Variants in KCNN3 observed in about 807,000 individuals in gnomAD.
KCNN3 encodes the protein potassium calcium-activated channel subfamily N member 3.
In KCNN3, 16 loss-of-function variants were observed where a neutral mutation model predicts 62.9. The ratio of observed to expected loss-of-function variants is 0.25; its 90% CI spans 0.17 to 0.39. The LOEUF (loss-of-function observed/expected upper bound fraction) is 0.39, where lower values mean the gene tolerates loss of function less well. Among genes scored for constraint, KCNN3 ranks in the 10% least tolerant of loss-of-function variants. KCNN3 has a pLI of 1.00. For missense variants in KCNN3, 599 were observed against 949.4 expected (o/e 0.63, Z 4.85); for synonymous variants, 370 against 389.2 (o/e 0.95, Z 0.58).
chr1:154,739,748 T>C (rs1557950947), intron 3 of KCNN3, among the ~76,000 whole-genome samples: 2 of 152,256 alleles, frequency 1.3e-5, no homozygotes, highest in Non-Finnish European at 2.9e-5. Context: ...CTCTCACTAG[T>C]TATCTTTTGG....
chr1:154,786,595 C>A lies in KCNN3; in HGVS notation c.1030-14202G>T, dbSNP rs1183384744. Among the ~76,000 whole-genome samples, 11 of 152,260 alleles carry A rather than the reference C, an allele frequency of 7.2e-5. No individual in the cohort carries two copies. In the East Asian group the frequency reaches 2.1e-3, roughly 29 times the overall value. On this transcript the variant is annotated intron_variant, in intron 2 of 7. Coordinates refer to ENST00000271915, the MANE Select transcript of KCNN3 (RefSeq NM_002249.6). ...TCTTTTTTAAAAAAGCAAACACCAA[C>A]ACATAAAAACAAAAATGCCCATATA...
At chr1:154,789,773 C>T (rs1252774286) in intron 2 of KCNN3, among the ~76,000 whole-genome samples, 1 of 152,176 alleles carries the variant, frequency 6.6e-6, no homozygotes, top group Non-Finnish European at 1.5e-5. Flanking sequence ...CCACTGAAAA[C>T]CTGATGCGAG....
rs1280622558 is a variant in KCNN3, at chr1:154,699,377, T to C, written c.*8599A>G. ...TGAAGCATTTATATATGTATGTATA[T>C]ATTATATATGAATGTGCGGGTATAT... On this transcript the variant is annotated 3_prime_UTR_variant, in exon 8 of 8. Transcript: ENST00000271915. The C allele has an allele frequency of 6.6e-6, 1 of 152,178 alleles. No homozygotes were observed. The highest frequency in any genetic ancestry group is 2.4e-5 in the African/African-American group (1 of 41,428). 9.4% of individuals were successfully genotyped at this position (152,178 alleles called of 1,614,324 possible). A position where few individuals can be genotyped will look rare whatever the true frequency, so the allele number is the denominator to read the frequency against.
chr1:154,860,838 T>C (rs1422054719), intron 1 of KCNN3, among the ~76,000 whole-genome samples: 1 of 152,172 alleles, frequency 6.6e-6, no homozygotes, highest in Non-Finnish European at 1.5e-5. Context: ...TGTGGCTGGC[T>C]CTGTGGTGGC....
chr1:154,832,844 A>G (rs1425387734), intron 1 of KCNN3, among the ~76,000 whole-genome samples: 1 of 152,152 alleles, frequency 6.6e-6, no homozygotes, highest in East Asian at 1.9e-4. Context: ...ATCCTGCCCC[A>G]GCCATCGCTG....
At chr1:154,787,803 G>A (rs1649348819) in intron 2 of KCNN3, among the ~76,000 whole-genome samples, 1 of 152,154 alleles carries the variant, frequency 6.6e-6, no homozygotes, top group South Asian at 2.1e-4. Context: ...GACGCCCAGA[G>A]TCCCCTGTCC....
chr1:154,844,316 T>C (rs1429125000), intron 1 of KCNN3, among the ~76,000 whole-genome samples: 1 of 152,246 alleles, frequency 6.6e-6, no homozygotes, highest in African/African-American at 2.4e-5. Context: ...TAGAGAGAGA[T>C]TTTCTGTCCT....
chr1:154,717,688 A>G (rs1700260131), intron 5 of KCNN3, among the ~76,000 whole-genome samples: 1 of 152,142 alleles, frequency 6.6e-6, no homozygotes, highest in Admixed American at 6.5e-5. Context: ...AGAGGCAGTC[A>G]CATCATCTTT....
intron 1 of KCNN3, among the ~76,000 whole-genome samples, chr1:154,867,382 G>A (rs1031232813): frequency 2.0e-5 from 3 of 152,194 alleles, no homozygotes; most frequent in Non-Finnish European, 4.4e-5. Context: ...TTTTGACTAA[G>A]GCGGCTTCCA....
At chr1:154,735,482 G>T (rs1044618064) in intron 3 of KCNN3, among the ~76,000 whole-genome samples, 3 of 152,162 alleles carry the variant, frequency 2.0e-5, no homozygotes, top group Non-Finnish European at 2.9e-5. Flanking sequence ...CACTCCATCT[G>T]CTATACTTGC....
intron 2 of KCNN3, among the ~76,000 whole-genome samples, chr1:154,781,759 A>C (rs1174245793): frequency 6.6e-6 from 1 of 152,232 alleles, no homozygotes; most frequent in African/African-American, 2.4e-5. Flanking sequence ...GCATGAGTTG[A>C]GCCCCCATTA....
intron 2 of KCNN3, among the ~76,000 whole-genome samples, chr1:154,778,068 G>T (rs949090434): frequency 6.6e-6 from 1 of 152,176 alleles, no homozygotes; most frequent in African/African-American, 2.4e-5. Context: ...CTGGTTTCCT[G>T]AAAATTCCAT....
chr1:154,867,848 G>T, intron 1 of KCNN3: 1 of 531,816 alleles, frequency 1.9e-6, no homozygotes, highest in Non-Finnish European at 2.4e-6. Context: ...TTGGGGGTGG[G>T]GGTATCGTGG....
chr1:154,820,572 G>A (rs764491741), intron 2 of KCNN3, among the ~76,000 whole-genome samples: 12 of 152,294 alleles, frequency 7.9e-5, no homozygotes, highest in East Asian at 1.9e-4. Flanking sequence ...AACCAGGCCC[G>A]GAGCCCAGAC....
At chr1:154,736,583 G>A (rs1357785315) in intron 3 of KCNN3, among the ~76,000 whole-genome samples, 2 of 152,184 alleles carry the variant, frequency 1.3e-5, no homozygotes, top group Non-Finnish European at 2.9e-5. Context: ...GGAGAGCCTT[G>A]AATACCGAAC....
chr1:154,765,530 T>C (rs1157896699), intron 3 of KCNN3, among the ~76,000 whole-genome samples: 1 of 152,146 alleles, frequency 6.6e-6, no homozygotes, highest in Non-Finnish European at 1.5e-5. Context: ...GTGAACCAGA[T>C]ACATTTTCAT....
chr1:154,765,760 C>T (rs896062003), intron 3 of KCNN3, among the ~76,000 whole-genome samples: 2 of 151,562 alleles, frequency 1.3e-5, no homozygotes, highest in African/African-American at 4.9e-5. Flanking sequence ...CCTGAGTCTA[C>T]AGATGCACCA....
At chr1:154,797,792 A>G (rs1010654222) in intron 2 of KCNN3, among the ~76,000 whole-genome samples, 12 of 152,210 alleles carry the variant, frequency 7.9e-5, no homozygotes, top group Non-Finnish European at 2.9e-5. Flanking sequence ...CCAGAGACCT[A>G]GAAGGACCAG....
chr1:154,761,303 A>G (rs1219325828), intron 3 of KCNN3, among the ~76,000 whole-genome samples: 1 of 152,144 alleles, frequency 6.6e-6, no homozygotes, highest in Non-Finnish European at 1.5e-5. Context: ...ACCCATCTCT[A>G]CTAAAAATAC....
Sources: gnomAD v4.1 joint callset for allele counts (sites outside exome capture counted in the v4.1 genomes callset) on GRCh38, gnomAD v4.1.1 for gene constraint, MANE v1.5 for transcripts, NCBI Gene and HGNC (gene_info 2026-07-23, HGNC 2026-07-21) for gene names.